The following HTR1F variants were observed in gnomAD, a reference collection of about 807,000 sequenced individuals.
HTR1F encodes the protein 5-hydroxytryptamine (serotonin) receptor 1F, G protein-coupled.
Under a neutral mutation model 24.0 loss-of-function variants are expected in HTR1F, and 17 were observed. The ratio of observed to expected loss-of-function variants is 0.71; its 90% CI spans 0.48 to 1.06. The LOEUF is 1.06. Among genes scored for constraint, HTR1F ranks in the 50% least tolerant of loss-of-function variants. The pLI, the probability that HTR1F is intolerant of heterozygous loss-of-function variation, is 0.00. For missense variants in HTR1F, 391 were observed against 427.8 expected, an observed-to-expected ratio of 0.91 and a Z score of 0.76; for synonymous variants, 186 against 156.8, an observed-to-expected ratio of 1.19 and a Z score of -1.39.
rs182132074 is a variant in HTR1F, at chr3:87,890,806, G to T, written c.-43+68682G>T. On this transcript the variant is annotated intron_variant, in intron 2 of 2. Transcript: ENST00000319595. ...TGATGCTAGGACTAAAGTTCCAGCT[G>T]AAAGCACTCCCTGATTTGACTACAA... Among the ~76,000 whole-genome samples the T allele has an allele frequency of 5.9e-5, 9 of 151,388 alleles. No homozygotes were observed. The East Asian group carries it at 1.7e-3, about 29-fold the overall frequency.
chr3:87,893,505 GA>G (rs1252077608), intron 2 of HTR1F, among the ~76,000 whole-genome samples: 2 of 152,060 alleles, frequency 1.3e-5, no homozygotes, highest in African/African-American at 2.4e-5. Context: ...TCATCTATTT[GA>G]TACTTTATTT....
intron 2 of HTR1F, among the ~76,000 whole-genome samples, chr3:87,824,711 G>A (rs1704428037): frequency 6.6e-6 from 1 of 152,130 alleles, no homozygotes. Context: ...TGGGACATGT[G>A]TATAGGTGTG....
At chr3:87,885,065 T>C (rs1705904982) in intron 2 of HTR1F, among the ~76,000 whole-genome samples, 1 of 152,148 alleles carries the variant, frequency 6.6e-6, no homozygotes, top group African/African-American at 2.4e-5. Flanking sequence ...ATCACACTTA[T>C]TCCAAAATTG....
intron 2 of HTR1F, among the ~76,000 whole-genome samples, chr3:87,907,138 T>A: frequency 6.6e-6 from 1 of 152,092 alleles, no homozygotes. Flanking sequence ...GTTGTACTAG[T>A]TTACATTCCC....
At chr3:87,857,104 T>A (rs1267247661) in intron 2 of HTR1F, among the ~76,000 whole-genome samples, 1 of 152,088 alleles carries the variant, frequency 6.6e-6, no homozygotes, top group African/African-American at 2.4e-5. Context: ...TTTTATTATT[T>A]ATTATTATTT....
intron 2 of HTR1F, among the ~76,000 whole-genome samples, chr3:87,940,312 C>CA (rs1256783401): frequency 3.3e-5 from 5 of 152,078 alleles, no homozygotes; most frequent in Admixed American, 6.6e-5. Context: ...CCCTTTATTC[C>CA]AAAATCAATG....
intron 2 of HTR1F, among the ~76,000 whole-genome samples, chr3:87,865,082 G>T (rs1705397810): frequency 6.6e-6 from 1 of 152,038 alleles, no homozygotes; most frequent in Admixed American, 6.6e-5. Flanking sequence ...CTGCATGAAG[G>T]TTAGTCTAAG....
At chr3:87,982,271 T>C (rs1705561225) in intron 2 of HTR1F, among the ~76,000 whole-genome samples, 1 of 152,220 alleles carries the variant, frequency 6.6e-6, no homozygotes, top group Non-Finnish European at 1.5e-5. Context: ...ATCTCAGATA[T>C]TTTCTACATA....
At chr3:87,890,356 T>C (rs1328143606) in intron 2 of HTR1F, among the ~76,000 whole-genome samples, 1 of 152,236 alleles carries the variant, frequency 6.6e-6, no homozygotes, top group Non-Finnish European at 1.5e-5. Flanking sequence ...AAAATTTTTA[T>C]CTCTATTATG....
chr3:87,851,297 T>C (rs1705080995), intron 2 of HTR1F, among the ~76,000 whole-genome samples: 1 of 151,650 alleles, frequency 6.6e-6, no homozygotes, highest in Non-Finnish European at 1.5e-5. Flanking sequence ...CTATTCAAAT[T>C]GTTTATGTAT....
intron 2 of HTR1F, among the ~76,000 whole-genome samples, chr3:87,959,067 TTTTAA>T (rs1356686598): frequency 6.6e-6 from 1 of 151,756 alleles, no homozygotes; most frequent in African/African-American, 2.4e-5. Flanking sequence ...ACTCTGAAAC[TTTTAA>T]TTTACTTGAG....
intron 1 of HTR1F, among the ~76,000 whole-genome samples, chr3:87,814,859 C>G (rs1262991346): frequency 6.6e-6 from 1 of 152,024 alleles, no homozygotes; most frequent in Non-Finnish European, 1.5e-5. Context: ...TGTTAATATA[C>G]CTACATAGCT....
intron 2 of HTR1F, among the ~76,000 whole-genome samples, chr3:87,892,331 T>G (rs1706102765): frequency 6.6e-6 from 1 of 152,212 alleles, no homozygotes; most frequent in Non-Finnish European, 1.5e-5. Flanking sequence ...CTAGAAGATG[T>G]TAAAGCCTCT....
chr3:87,943,556 G>A (rs1461593935), intron 2 of HTR1F, among the ~76,000 whole-genome samples: 1 of 105,200 alleles, frequency 9.5e-6, no homozygotes, highest in Admixed American at 9.1e-5. Flanking sequence ...TGGGTTGAAG[G>A]GGGGTCCTTA....
chr3:87,866,588 C>T (rs1022350484), intron 2 of HTR1F, among the ~76,000 whole-genome samples: 1 of 148,898 alleles, frequency 6.7e-6, no homozygotes, highest in Non-Finnish European at 1.5e-5. Context: ...AAGCAGTTTG[C>T]TAGTTTGATT....
intron 2 of HTR1F, among the ~76,000 whole-genome samples, chr3:87,899,328 C>T (rs987225826): frequency 6.6e-6 from 1 of 152,118 alleles, no homozygotes; most frequent in African/African-American, 2.4e-5. Context: ...TAAATACTAC[C>T]AGAATTCTTT....
Position 87,952,176 on chromosome 3 carries a change from T to C in HTR1F, c.-42-38532T>C, listed in dbSNP as rs1704848630. 2.0e-5 allele frequency among the ~76,000 whole-genome samples: 3 copies of C among 152,080 alleles called. No individual in the cohort carries two copies. In the South Asian group the frequency reaches 6.2e-4, roughly 31 times the overall value. On this transcript the variant is annotated intron_variant, in intron 2 of 2. Coordinates refer to ENST00000319595, the MANE Select transcript of HTR1F (RefSeq NM_001322209.2). ...AAAGTAGACAAGGTCACATTCTACA[T>C]TGACTCAGGTAAGACCTGAATGAAA...
intron 2 of HTR1F, among the ~76,000 whole-genome samples, chr3:87,872,044 T>A (rs1213088327): frequency 6.6e-6 from 1 of 151,966 alleles, no homozygotes; most frequent in African/African-American, 2.4e-5. Context: ...AAGATTGAAA[T>A]CATATAAAAT....
intron 2 of HTR1F, among the ~76,000 whole-genome samples, chr3:87,892,618 A>G (rs1706108695): frequency 6.6e-6 from 1 of 152,182 alleles, no homozygotes; most frequent in Admixed American, 6.5e-5. Flanking sequence ...TTTTAGGCAC[A>G]TGGTAGGTGT....
Sources: allele counts gnomAD v4.1 joint callset (sites outside exome capture counted in the v4.1 genomes callset), GRCh38; gene constraint gnomAD v4.1.1; transcripts MANE v1.5; gene names NCBI Gene and HGNC (gene_info 2026-07-23, HGNC 2026-07-21).